The following GOLGA4 variants were observed in gnomAD, a reference collection of about 807,000 sequenced individuals.
The protein encoded by GOLGA4 is golgin A4, also known as golgin subfamily A member 4.
A neutral mutation model predicts 265.9 loss-of-function variants in GOLGA4; 169 were observed. The ratio of observed to expected loss-of-function variants is 0.64; its 90% CI spans 0.56 to 0.72. The LOEUF is 0.72. Among genes scored for constraint, GOLGA4 ranks in the 30% least tolerant of loss-of-function variants. GOLGA4 has a pLI of 0.00. For synonymous variants in GOLGA4, 923 were observed against 855.8 expected, an observed-to-expected ratio of 1.08 and a Z score of -1.37; for missense variants, 2,482 against 2,483.4, an observed-to-expected ratio of 1.00 and a Z score of 0.01.
intron 2 of GOLGA4, chr3:37,273,521 C>T (rs1167383941): frequency 1.4e-6 from 2 of 1,440,218 alleles, no homozygotes; most frequent in Non-Finnish European, 9.4e-7. Flanking sequence ...TACAATGTTT[C>T]TTTCTTTTTC....
chr3:37,361,364 C>T, intron 23 of GOLGA4, 59 bp downstream of exon 23: 2 of 1,150,124 alleles, frequency 1.7e-6, no homozygotes, highest in Non-Finnish European at 2.6e-6. Context: ...TTGCCTGATA[C>T]TAACCATTTT....
In GOLGA4 at chr3:37,286,060, A is replaced by G; in HGVS notation, c.524A>G (p.Gln175Arg). The G allele has an allele frequency of 6.4e-7, 1 of 1,556,280 alleles. No individual in the cohort carries two copies. The highest frequency in any genetic ancestry group is 1.4e-5 in the African/African-American group (1 of 73,660). The change falls in exon 4 of 24, where the codon CAA (glutamine) becomes CGA (arginine). Residue 175 changes from glutamine (Q) to arginine (R), a missense_variant and splice_region_variant. Physicochemically the swap from Gln to Arg is conservative, Grantham distance 43. Coordinates refer to ENST00000361924, the MANE Select transcript of GOLGA4 (RefSeq NM_002078.5). ...QMLQREKKKL[Q>R]GILSQSQDKS... Reference sequence around the variant, plus strand: ...CTTCAGAGAGAGAAGAAAAAGCTACAAGTAAGTGATTTGTCAACTGCATTA... The same window carrying G: ...CTTCAGAGAGAGAAGAAAAAGCTACGAGTAAGTGATTTGTCAACTGCATTA...
rs2096758057 is a variant in GOLGA4 at position 37,258,061 on chromosome 3, GTATATATGTA to G, written c.162+6585_162+6594del. ...TATATACATACATATATATATGTAT[GTATATATGTA>G]TATATATATGTGTGTATATATATAT... On this transcript the variant is annotated intron_variant, in intron 2 of 23. Coordinates refer to ENST00000361924, the MANE Select transcript of GOLGA4 (RefSeq NM_002078.5). Among the ~76,000 whole-genome samples the G allele has an allele frequency of 2.7e-5, 2 of 73,956 alleles. 1 individual carries two copies. The highest frequency in any genetic ancestry group is 6.0e-5 in the Non-Finnish European group (2 of 33,172). 48.5% of individuals were successfully genotyped at this position (73,956 alleles called of 152,430 possible). A position where few individuals can be genotyped will look rare whatever the true frequency, so the allele number is the denominator to read the frequency against.
At chr3:37,246,492 C>T (rs901145236) in intron 1 of GOLGA4, among the ~76,000 whole-genome samples, 1 of 152,066 alleles carries the variant, frequency 6.6e-6, no homozygotes, top group Admixed American at 6.5e-5. Flanking sequence ...ACTTCTAAAA[C>T]TTAAAAATTA....
intron 11 of GOLGA4, among the ~76,000 whole-genome samples, chr3:37,317,751 G>A (rs1032805110): frequency 1.3e-5 from 2 of 151,718 alleles, no homozygotes; most frequent in African/African-American, 4.8e-5. Context: ...TATTTATTTG[G>A]CGAAATCCTT....
chr3:37,338,228 C>G (rs1395673829), intron 19 of GOLGA4, among the ~76,000 whole-genome samples: 1 of 152,118 alleles, frequency 6.6e-6, no homozygotes, highest in East Asian at 1.9e-4. Flanking sequence ...TTTCTAAACT[C>G]TGGGAGAAAT....
At chr3:37,314,361 C>A (rs900992427) in intron 10 of GOLGA4, among the ~76,000 whole-genome samples, 1 of 151,990 alleles carries the variant, frequency 6.6e-6, no homozygotes, top group Non-Finnish European at 1.5e-5. Flanking sequence ...AAAGACCTGG[C>A]CAGATGCAGT....
At chr3:37,285,381 A>G (rs985911906) in intron 3 of GOLGA4, among the ~76,000 whole-genome samples, 1 of 152,212 alleles carries the variant, frequency 6.6e-6, no homozygotes, top group African/African-American at 2.4e-5. Context: ...TAGAATGTTT[A>G]AATATCCTGT....
At chr3:37,316,199 C>CT (rs34521576) in intron 11 of GOLGA4, among the ~76,000 whole-genome samples, 3,820 of 138,716 alleles carry the variant, frequency 0.028, 101 homozygotes, top group Middle Eastern at 0.08. Flanking sequence ...TTTTTTTCTG[C>CT]TTTTTTTTTT....
chr3:37,312,355 TTAG>T (rs1191431926), intron 10 of GOLGA4, among the ~76,000 whole-genome samples: 7 of 152,200 alleles, frequency 4.6e-5, no homozygotes, highest in African/African-American at 1.7e-4. Context: ...TAATTTCTTG[TTAG>T]TAGTAAGCGT....
chr3:37,290,961 T>C (rs2096863055), intron 5 of GOLGA4, among the ~76,000 whole-genome samples: 1 of 152,216 alleles, frequency 6.6e-6, no homozygotes, highest in Admixed American at 6.5e-5. Context: ...CTAATATCTT[T>C]TTGCTTAACA....
chr3:37,321,752 T>G lies in GOLGA4; in HGVS notation c.1567T>G (p.Leu523Val). ...VALEKSQSEY[L>V]KISQEKEQQE... Reference sequence around the variant, plus strand: ...ACAGGAAAAGAGTCAATCAGAATATTTGAAGATCAGCCAAGAAAAAGAACA... The same window carrying G: ...ACAGGAAAAGAGTCAATCAGAATATGTGAAGATCAGCCAAGAAAAAGAACA... The change falls in exon 13 of 24, where the codon TTG (leucine) becomes GTG (valine). Residue 523 changes from leucine (L) to valine (V), a missense_variant. Physicochemically the swap from Leu to Val is conservative, Grantham distance 32. Around this residue, in one of 3 missense-constraint regions of GOLGA4, gnomAD observed 1,536 missense variants for 1,483.7 expected, o/e 1.04. Transcript: ENST00000361924. The G allele has an allele frequency of 6.2e-7, 1 of 1,608,894 alleles. No individual in the cohort carries two copies. The highest frequency in any genetic ancestry group is 8.5e-7 in the Non-Finnish European group (1 of 1,178,816).
chr3:37,323,044 G>A (rs2096959409), intron 13 of GOLGA4, among the ~76,000 whole-genome samples: 1 of 151,034 alleles, frequency 6.6e-6, no homozygotes, highest in Admixed American at 6.6e-5. Flanking sequence ...AGCTGAAAAG[G>A]TTCCCCAAGT....
chr3:37,310,736 T>G (rs74953825), intron 10 of GOLGA4, among the ~76,000 whole-genome samples: 2,181 of 147,024 alleles, frequency 0.015, 70 homozygotes, highest in African/African-American at 0.051. Context: ...TGTGTGTGTG[T>G]TTTTTTTTTT....
At chr3:37,348,441 G>A (rs574119179) in intron 21 of GOLGA4, among the ~76,000 whole-genome samples, 1 of 151,950 alleles carries the variant, frequency 6.6e-6, no homozygotes, top group East Asian at 1.9e-4. Flanking sequence ...AAAAGTTCAA[G>A]GGTAGCTAAA....
rs1270789906 is a variant in GOLGA4 at position 37,258,497 on chromosome 3, C to CT, written c.162+7015dup. Among the ~76,000 whole-genome samples the CT allele has an allele frequency of 6.6e-5, 10 of 151,978 alleles. No individual in the cohort carries two copies. The East Asian group carries it at 1.9e-3, about 29-fold the overall frequency. Reference sequence around the variant, plus strand: ...CATGTGCCACCACACCCAGCTAATACTTGTGTTTTTAGTAGAGATGAGGTT... The same window carrying CT: ...CATGTGCCACCACACCCAGCTAATACTTTGTGTTTTTAGTAGAGATGAGGTT... On this transcript the variant is annotated intron_variant, in intron 2 of 23. Transcript: ENST00000361924.
chr3:37,247,082 T>C (rs1459055636), intron 1 of GOLGA4, among the ~76,000 whole-genome samples: 1 of 152,158 alleles, frequency 6.6e-6, no homozygotes, highest in Non-Finnish European at 1.5e-5. Flanking sequence ...GATCAGAAGG[T>C]AGTTTATTAA....
intron 3 of GOLGA4, among the ~76,000 whole-genome samples, chr3:37,284,237 G>T (rs1045593987): frequency 1.3e-5 from 2 of 152,096 alleles, no homozygotes; most frequent in Non-Finnish European, 2.9e-5. Context: ...AGGATGTGCA[G>T]GGTTGTTACA....
At chr3:37,361,147 C>A in intron 22 of GOLGA4, 96 bp from the exon 23 acceptor site, 1 of 964,930 alleles carries the variant, frequency 1.0e-6, no homozygotes. Context: ...TAAGTACAGT[C>A]TGTAATCCTA....
Sources: allele counts gnomAD v4.1 joint callset (sites outside exome capture counted in the v4.1 genomes callset), GRCh38; gene constraint gnomAD v4.1.1; regional missense constraint gnomAD v4.1.1; transcripts MANE v1.5; gene names NCBI Gene and HGNC (gene_info 2026-07-23, HGNC 2026-07-21).